The following EFNA5 variants were observed in gnomAD, a reference collection of about 807,000 sequenced individuals.
The protein encoded by EFNA5 is ephrin A5, also known as ephrin-A5.
A neutral mutation model predicts 22.9 loss-of-function variants in EFNA5; 5 were observed. That is an observed-to-expected ratio of 0.22 (90% CI 0.11 to 0.46). EFNA5 has a LOEUF of 0.46. Among genes scored for constraint, EFNA5 ranks in the 20% least tolerant of loss-of-function variants. The probability of loss-of-function intolerance (pLI) is 0.99; values close to 1 mark genes in which losing one functional copy is unlikely to be tolerated. For missense variants in EFNA5, 237 were observed against 293.3 expected (o/e 0.81, Z 1.40); for synonymous variants, 113 against 112.2 (o/e 1.01, Z -0.04).
chr5:107,415,048 A>G (rs915982527), intron 2 of EFNA5, among the ~76,000 whole-genome samples: 8 of 152,186 alleles, frequency 5.3e-5, no homozygotes, highest in African/African-American at 9.7e-5. Context: ...TCAAATCTGG[A>G]CTCAACTGTA....
chr5:107,579,400 G>A (rs1030044271), intron 1 of EFNA5, among the ~76,000 whole-genome samples: 9 of 152,066 alleles, frequency 5.9e-5, no homozygotes, highest in East Asian at 3.9e-4. Context: ...CTGTTTGAAC[G>A]GCTAGTGGCT....
intron 1 of EFNA5, among the ~76,000 whole-genome samples, chr5:107,659,097 T>C (rs1012006069): frequency 1.3e-5 from 2 of 152,190 alleles, no homozygotes; most frequent in African/African-American, 4.8e-5. Flanking sequence ...GCAAATGTTA[T>C]CTTATCCCTG....
chr5:107,581,324 T>TA (rs1215700248), intron 1 of EFNA5, among the ~76,000 whole-genome samples: 10 of 152,192 alleles, frequency 6.6e-5, no homozygotes, highest in African/African-American at 2.4e-4. Context: ...TTCATTCCCT[T>TA]TGTGATATGA....
intron 1 of EFNA5, among the ~76,000 whole-genome samples, chr5:107,598,431 G>A (rs1001931331): frequency 1.3e-5 from 2 of 152,104 alleles, no homozygotes; most frequent in African/African-American, 4.8e-5. Flanking sequence ...TAAATTATAG[G>A]AAAAGACTAG....
intron 1 of EFNA5, among the ~76,000 whole-genome samples, chr5:107,456,615 G>A (rs915170645): frequency 2.0e-5 from 3 of 152,138 alleles, no homozygotes; most frequent in African/African-American, 2.4e-5. Context: ...TGTTGCAACT[G>A]TGCCAGTGGT....
At chr5:107,577,684 G>A (rs1748952640) in intron 1 of EFNA5, among the ~76,000 whole-genome samples, 4 of 152,298 alleles carry the variant, frequency 2.6e-5, no homozygotes, top group Admixed American at 2.6e-4. Flanking sequence ...CCCCCAGAAG[G>A]CCTGCTTCTA....
At chr5:107,592,263 T>A (rs1749386506) in intron 1 of EFNA5, among the ~76,000 whole-genome samples, 1 of 150,606 alleles carries the variant, frequency 6.6e-6, no homozygotes, top group Non-Finnish European at 1.5e-5. Flanking sequence ...AAGTATATTT[T>A]CAAATAGATT....
chr5:107,441,495 T>C (rs1292330885), intron 1 of EFNA5, among the ~76,000 whole-genome samples: 1 of 152,192 alleles, frequency 6.6e-6, no homozygotes, highest in Non-Finnish European at 1.5e-5. Context: ...ACCATATAAC[T>C]GGGACATGAT....
chr5:107,618,847 C>T (rs1396020523), intron 1 of EFNA5, among the ~76,000 whole-genome samples: 1 of 152,144 alleles, frequency 6.6e-6, no homozygotes, highest in Non-Finnish European at 1.5e-5. Context: ...GAAAACCATC[C>T]TAACTCCTTC....
Position 107,510,509 on chromosome 5 carries a change from C to T in EFNA5, c.126-83000G>A, listed in dbSNP as rs1747347821. 2.6e-5 allele frequency among the ~76,000 whole-genome samples: 4 copies of T among 152,306 alleles called. No homozygotes were observed. In the South Asian group the frequency reaches 8.3e-4, roughly 32 times the overall value. On this transcript the variant is annotated intron_variant, in intron 1 of 4. Transcript: ENST00000333274. ...CTTTACTCTAGGGACTTGCACCAAACTCCTTGCGAGATCCAAGAACCCTCT... is the reference window on the plus strand; with the variant it reads ...CTTTACTCTAGGGACTTGCACCAAATTCCTTGCGAGATCCAAGAACCCTCT...
chr5:107,558,804 A>G (rs902190226), intron 1 of EFNA5, among the ~76,000 whole-genome samples: 1 of 152,230 alleles, frequency 6.6e-6, no homozygotes, highest in African/African-American at 2.4e-5. Flanking sequence ...AAAGCCATAT[A>G]TGTTTAAACA....
intron 1 of EFNA5, among the ~76,000 whole-genome samples, chr5:107,447,038 G>A (rs917164390): frequency 6.6e-6 from 1 of 152,124 alleles, no homozygotes; most frequent in Non-Finnish European, 1.5e-5. Flanking sequence ...GCCAGCTAAC[G>A]CATTAACATA....
At chr5:107,492,357 TTTA>T (rs1421302708) in intron 1 of EFNA5, among the ~76,000 whole-genome samples, 1 of 152,246 alleles carries the variant, frequency 6.6e-6, no homozygotes, top group Non-Finnish European at 1.5e-5. Flanking sequence ...ATGTCATCCT[TTTA>T]TTATGATAAC....
At chr5:107,592,409 A>G (rs1749392795) in intron 1 of EFNA5, among the ~76,000 whole-genome samples, 1 of 152,046 alleles carries the variant, frequency 6.6e-6, no homozygotes, top group African/African-American at 2.4e-5. Context: ...CTCATTCTTC[A>G]GTAAAGTGAA....
At chr5:107,468,984 C>A (rs535049083) in intron 1 of EFNA5, among the ~76,000 whole-genome samples, 1 of 152,154 alleles carries the variant, frequency 6.6e-6, no homozygotes, top group Non-Finnish European at 1.5e-5. Flanking sequence ...TTCTAGCACA[C>A]CTGGTAAAAT....
chr5:107,591,915 AAT>A (rs1374159806), intron 1 of EFNA5, among the ~76,000 whole-genome samples: 5 of 7,946 alleles, frequency 6.3e-4, no homozygotes, highest in Admixed American at 4.4e-3. Flanking sequence ...TAATATAAAA[AAT>A]ATATATATAA....
chr5:107,552,188 T>C (rs1158063904), intron 1 of EFNA5, among the ~76,000 whole-genome samples: 1 of 152,194 alleles, frequency 6.6e-6, no homozygotes, highest in Non-Finnish European at 1.5e-5. Flanking sequence ...TCTGGGAACT[T>C]CTTCTGGAAA....
rs576583979 is a variant in EFNA5, at chr5:107,606,140, A to G, written c.125+64349T>C. Among the ~76,000 whole-genome samples, 16 of 152,326 alleles carry G rather than the reference A, an allele frequency of 1.1e-4. No homozygotes were observed. In the East Asian group the frequency reaches 2.9e-3, roughly 28 times the overall value. On this transcript the variant is annotated intron_variant, in intron 1 of 4. Transcript: ENST00000333274. ...AAGTATTGCAAATCTTAAGAATTCTACGTGCTCAGACAAATAGCTGCTGCA... is the reference window on the plus strand; with the variant it reads ...AAGTATTGCAAATCTTAAGAATTCTGCGTGCTCAGACAAATAGCTGCTGCA...
intron 1 of EFNA5, among the ~76,000 whole-genome samples, chr5:107,477,172 G>GA (rs917641275): frequency 6.6e-6 from 1 of 151,832 alleles, no homozygotes; most frequent in African/African-American, 2.4e-5. Flanking sequence ...TATCAAGAGA[G>GA]AAAAAAAATG....
Sources: allele counts gnomAD v4.1 joint callset (sites outside exome capture counted in the v4.1 genomes callset), GRCh38; gene constraint gnomAD v4.1.1; transcripts MANE v1.5; gene names NCBI Gene and HGNC (gene_info 2026-07-23, HGNC 2026-07-21).